The following SUGCT variants were observed in gnomAD, a reference collection of about 807,000 sequenced individuals.
SUGCT encodes the protein succinyl-CoA:glutarate-CoA transferase, also known as succinyl-CoA:glutarate CoA-transferase.
In SUGCT, 41 loss-of-function variants were observed where a neutral mutation model predicts 55.0. The ratio of observed to expected loss-of-function variants is 0.74; its 90% CI spans 0.58 to 0.97. The LOEUF is 0.97. SUGCT is among the 50% of genes least tolerant of loss of function. SUGCT has a pLI of 0.00. For missense variants in SUGCT, 568 were observed against 547.8 expected (o/e 1.04, Z -0.37); for synonymous variants, 187 against 200.4 (o/e 0.93, Z 0.56).
At chr7:40,908,864 G>A in the SUGCT span, among the ~76,000 whole-genome samples, 2 of 152,056 alleles carry the variant, frequency 1.3e-5, no homozygotes, top group Non-Finnish European at 2.9e-5. Flanking sequence ...AAGTAATATG[G>A]ATTTTATTGA....
chr7:40,800,438 G>A (rs922960526), intron 13 of SUGCT, among the ~76,000 whole-genome samples: 3 of 151,882 alleles, frequency 2.0e-5, no homozygotes, highest in African/African-American at 7.3e-5. Context: ...ACAGGCACCC[G>A]CCATCACGCC....
intron 1 of SUGCT, among the ~76,000 whole-genome samples, chr7:40,163,476 G>A (rs1180935213): frequency 7.2e-5 from 11 of 151,826 alleles, no homozygotes; most frequent in African/African-American, 9.7e-5. Flanking sequence ...GTGGTGGCGC[G>A]CACCTGTAGT....
intron 12 of SUGCT, among the ~76,000 whole-genome samples, chr7:40,715,832 T>C (rs1002250636): frequency 3.9e-5 from 6 of 152,204 alleles, no homozygotes; most frequent in Admixed American, 1.3e-4. Context: ...CATACCACTT[T>C]CCTGTGGTTT....
intron 8 of SUGCT, among the ~76,000 whole-genome samples, chr7:40,305,811 A>C (rs1794823888): frequency 6.6e-6 from 1 of 151,926 alleles, no homozygotes. Flanking sequence ...ACAGGTGCAC[A>C]CCACCACGCC....
At chr7:40,461,409 TG>T (rs1032561014) in intron 11 of SUGCT, among the ~76,000 whole-genome samples, 1 of 152,150 alleles carries the variant, frequency 6.6e-6, no homozygotes, top group Admixed American at 6.5e-5. Flanking sequence ...TCTTCTTACA[TG>T]TTTCCAAAGG....
chr7:40,426,294 T>C (rs1055228341), intron 9 of SUGCT, among the ~76,000 whole-genome samples: 2 of 152,170 alleles, frequency 1.3e-5, no homozygotes, highest in African/African-American at 4.8e-5. Context: ...GGTTTGATTA[T>C]AGCACGGAGA....
the SUGCT span, among the ~76,000 whole-genome samples, chr7:40,932,732 G>C: frequency 6.7e-6 from 1 of 150,292 alleles, no homozygotes; most frequent in African/African-American, 2.5e-5. Context: ...CTTTATCAGA[G>C]ACTAGGTTTG....
At chr7:40,978,018 C>A in the SUGCT span, among the ~76,000 whole-genome samples, 1 of 152,128 alleles carries the variant, frequency 6.6e-6, no homozygotes, top group Non-Finnish European at 1.5e-5. Context: ...TTGTCTGTAA[C>A]CCCCTTGAGT....
At chr7:40,143,215 C>T (rs963901257) in intron 1 of SUGCT, among the ~76,000 whole-genome samples, 1 of 152,186 alleles carries the variant, frequency 6.6e-6, no homozygotes, top group Non-Finnish European at 1.5e-5. Flanking sequence ...TCCATAATCC[C>T]ACCATACATC....
chr7:40,899,639 TC>T, the SUGCT span, among the ~76,000 whole-genome samples: 1 of 151,384 alleles, frequency 6.6e-6, no homozygotes, highest in African/African-American at 2.4e-5. Context: ...TTTATAAACT[TC>T]CAGGACTCTT....
chr7:40,315,738 A>G (rs1301668646), intron 8 of SUGCT, among the ~76,000 whole-genome samples: 1 of 152,204 alleles, frequency 6.6e-6, no homozygotes, highest in Non-Finnish European at 1.5e-5. Context: ...CAGGCTTTGT[A>G]GGTTTTCCAA....
intron 12 of SUGCT, among the ~76,000 whole-genome samples, chr7:40,698,930 C>T (rs928817131): frequency 6.6e-6 from 1 of 152,136 alleles, no homozygotes; most frequent in African/African-American, 2.4e-5. Context: ...GAAATTAGAG[C>T]CACATCCATT....
At chr7:40,216,753 G>T (rs1787681064) in intron 6 of SUGCT, among the ~76,000 whole-genome samples, 1 of 151,828 alleles carries the variant, frequency 6.6e-6, no homozygotes, top group African/African-American at 2.4e-5. Flanking sequence ...TCACTTTGGG[G>T]GCTGAGACAG....
chr7:40,684,330 T>C (rs973355680), intron 12 of SUGCT, among the ~76,000 whole-genome samples: 5 of 152,350 alleles, frequency 3.3e-5, no homozygotes, highest in East Asian at 3.9e-4. Context: ...TGTTGTTTAA[T>C]GGACAGAGAT....
At chr7:40,848,795 A>C (rs867029525) in intron 13 of SUGCT, among the ~76,000 whole-genome samples, 4 of 152,138 alleles carry the variant, frequency 2.6e-5, no homozygotes, top group Non-Finnish European at 4.4e-5. Context: ...AAAATATCCA[A>C]AGCCACATTT....
At chr7:40,304,759 A>AATAATC (rs1794758247) in intron 8 of SUGCT, among the ~76,000 whole-genome samples, 1 of 101,710 alleles carries the variant, frequency 9.8e-6, no homozygotes, top group African/African-American at 5.4e-5. Context: ...TAATAATAAT[A>AATAATC]ATCATCCAGG....
chr7:40,430,979 G>A (rs1308503478), intron 9 of SUGCT, among the ~76,000 whole-genome samples: 7 of 151,924 alleles, frequency 4.6e-5, no homozygotes, highest in South Asian at 2.1e-4. Context: ...TTAGCTGGGC[G>A]TGGTGGCACA....
chr7:40,272,957 G>A (rs1426658904), intron 7 of SUGCT, among the ~76,000 whole-genome samples: 1 of 151,934 alleles, frequency 6.6e-6, no homozygotes, highest in East Asian at 1.9e-4. Flanking sequence ...ACCGTGCCCA[G>A]CCTTTAGTGT....
chr7:40,614,124 G>A (rs564567159), intron 12 of SUGCT, among the ~76,000 whole-genome samples: 1 of 151,644 alleles, frequency 6.6e-6, no homozygotes, highest in Non-Finnish European at 1.5e-5. Flanking sequence ...CAACCCCAAG[G>A]CTGTTTTTTT....
Sources: gnomAD v4.1 joint callset for allele counts (sites outside exome capture counted in the v4.1 genomes callset) on GRCh38, gnomAD v4.1.1 for gene constraint, MANE v1.5 for transcripts, NCBI Gene and HGNC (gene_info 2026-07-23, HGNC 2026-07-21) for gene names.